GLI2: variants seen among roughly 807,000 people sequenced by gnomAD.
The protein encoded by GLI2 is transcription activator GLI2.
Under a neutral mutation model 78.9 loss-of-function variants are expected in GLI2, and 22 were observed. That is an observed-to-expected ratio of 0.28 (90% CI 0.20 to 0.40). GLI2 has a LOEUF of 0.40. Among genes scored for constraint, GLI2 ranks in the 10% least tolerant of loss-of-function variants. The pLI is 1.00. For synonymous variants in GLI2, 974 were observed against 963.7 expected (o/e 1.01, Z -0.20); for missense variants, 2,097 against 2,213.2 (o/e 0.95, Z 1.05).
chr2:120,889,967 C>T (rs1156408922), intron 2 of GLI2, among the ~76,000 whole-genome samples: 1 of 152,052 alleles, frequency 6.6e-6, no homozygotes, highest in Non-Finnish European at 1.5e-5. Context: ...GGCATTTATT[C>T]CAGAGAAGTG....
intron 2 of GLI2, among the ~76,000 whole-genome samples, chr2:120,834,175 A>G (rs1054828800): frequency 3.3e-5 from 5 of 152,204 alleles, no homozygotes; most frequent in African/African-American, 9.7e-5. Context: ...GAGAGTTGCC[A>G]TTGAAAAGAT....
rs1056149202 is a variant in GLI2, at chr2:120,942,979, CTCAT to C, written c.255-8244_255-8241del. 1.9e-3 allele frequency among the ~76,000 whole-genome samples: 290 copies of C among 149,640 alleles called. 5 individuals are homozygous for C. Among genetic ancestry groups the C allele is most frequent in the African/African-American group, 6.0e-3 (248 of 41,178 alleles). ...ATTCATTCGTTCACGCCCTCACTCA[CTCAT>C]TCATTCATTCATTCATTCAGCACAC... On this transcript the variant is annotated intron_variant, in intron 3 of 13. Transcript: ENST00000361492.
In GLI2 at chr2:120,889,427, C is replaced by G. The variant is rs1208566337; in HGVS notation, c.149-37934C>G. On this transcript the variant is annotated intron_variant, in intron 2 of 13. Coordinates refer to ENST00000361492, the MANE Select transcript of GLI2 (RefSeq NM_001374353.1). ...ACAGCCTTCAGGATTTCAGGCCAGG[C>G]ACAGGACTCTTAGACTTGATACCAT... Among the ~76,000 whole-genome samples the G allele has an allele frequency of 2.0e-5, 3 of 152,184 alleles. No homozygotes were observed. In the East Asian group the frequency reaches 5.8e-4, roughly 29 times the overall value.
chr2:120,856,478 G>A (rs2104624748), intron 2 of GLI2, among the ~76,000 whole-genome samples: 1 of 152,262 alleles, frequency 6.6e-6, no homozygotes, highest in South Asian at 2.1e-4. Context: ...GATTTGGATG[G>A]GGTTCTCACC....
rs777929230 is a variant in GLI2, at chr2:120,988,975, C to T, written c.3010C>T (p.Arg1004Cys). 7 of 1,561,234 alleles carry T rather than the reference C, an allele frequency of 4.5e-6. No individual in the cohort carries two copies. Among genetic ancestry groups the T allele is most frequent in the Admixed American group, 3.7e-5 (2 of 54,360 alleles). Residue 1004 changes from arginine to cysteine, a missense_variant, in exon 14 of 14, where the codon CGC becomes TGC. Around this residue, in one of 5 missense-constraint regions of GLI2, gnomAD observed 1,290 missense variants for 1,261.7 expected, o/e 1.02. Coordinates refer to ENST00000361492, the MANE Select transcript of GLI2 (RefSeq NM_001374353.1). ...CCCGAGCACCGACGGCGGCCTGGCC[C>T]GCGGCGCCTACTCGCCCCGGCCGCC... is the stretch of plus-strand genomic sequence containing the variant. Reference protein sequence around the residue: ...SHPSTDGGLARGAYSPRPPSI... With the variant: ...SHPSTDGGLACGAYSPRPPSI...
chr2:120,823,510 AGT>A (rs1685885382), intron 2 of GLI2, among the ~76,000 whole-genome samples: 1 of 152,182 alleles, frequency 6.6e-6, no homozygotes, highest in Non-Finnish European at 1.5e-5. Context: ...TGGAGCTGCT[AGT>A]GGGAGAGGAT....
intron 8 of GLI2, among the ~76,000 whole-genome samples, chr2:120,973,871 G>C (rs1682318112): frequency 1.3e-5 from 2 of 152,078 alleles, no homozygotes; most frequent in Non-Finnish European, 2.9e-5. Context: ...TTGACAGCAG[G>C]GCGTCCTGAG....
At position 120,959,993 on chromosome 2, in the gene GLI2, G is replaced by A. The variant is rs2104982160; in HGVS notation, c.643+4563G>A. 1.3e-5 allele frequency among the ~76,000 whole-genome samples: 2 copies of A among 152,326 alleles called. 1 individual carries two copies. The highest frequency in any genetic ancestry group is 1.3e-4 in the Admixed American group (2 of 15,300). Reference sequence around the variant, plus strand: ...AGCTCTGTGCAGGCGCAGGGGGCCTGGAGAGCTCATGGACAGCCAAGGAGA... The same window carrying A: ...AGCTCTGTGCAGGCGCAGGGGGCCTAGAGAGCTCATGGACAGCCAAGGAGA... On this transcript the variant is annotated intron_variant, in intron 5 of 13. Transcript: ENST00000361492.
chr2:120,964,500 T>C (rs908707508), intron 5 of GLI2, among the ~76,000 whole-genome samples: 3 of 152,178 alleles, frequency 2.0e-5, no homozygotes, highest in Non-Finnish European at 4.4e-5. Flanking sequence ...TGGGCTGTGC[T>C]AGGGGTGGAG....
intron 2 of GLI2, among the ~76,000 whole-genome samples, chr2:120,835,629 G>A (rs1258866566): frequency 2.0e-5 from 3 of 151,990 alleles, no homozygotes; most frequent in South Asian, 2.1e-4. Context: ...CAGGTGATCC[G>A]CCCACCTCAG....
chr2:120,981,703 A>T (rs866026472), intron 10 of GLI2, among the ~76,000 whole-genome samples: 3 of 152,190 alleles, frequency 2.0e-5, no homozygotes, highest in African/African-American at 7.2e-5. Flanking sequence ...GGCGGTTTTC[A>T]TACATCCATT....
intron 1 of GLI2, among the ~76,000 whole-genome samples, chr2:120,740,945 C>G (rs1436239306): frequency 6.6e-6 from 1 of 152,192 alleles, no homozygotes; most frequent in East Asian, 1.9e-4. Flanking sequence ...GCAGCACGGG[C>G]GCAGCCCTGC....
chr2:120,741,503 C>T (rs536927248), intron 1 of GLI2, among the ~76,000 whole-genome samples: 9 of 151,760 alleles, frequency 5.9e-5, no homozygotes, highest in South Asian at 4.2e-4. Context: ...TCCCCTTCTC[C>T]TTTCTTCTCT....
At chr2:120,791,197 G>A (rs1211915329) in intron 1 of GLI2, among the ~76,000 whole-genome samples, 1 of 152,182 alleles carries the variant, frequency 6.6e-6, no homozygotes, top group African/African-American at 2.4e-5. Flanking sequence ...AGAAGTCCTG[G>A]GGAACCCTTA....
chr2:120,827,188 G>A (rs529074606), intron 2 of GLI2, among the ~76,000 whole-genome samples: 9 of 152,186 alleles, frequency 5.9e-5, no homozygotes, highest in African/African-American at 9.7e-5. Flanking sequence ...GCCCAGACCC[G>A]TGGCTGTCTT....
chr2:120,990,036 C>A lies in GLI2; in HGVS notation c.4071C>A (p.Pro1357=). ...TTGGCCTAGTGCAGCCCCGGCCTCC[C>A]CTCGAGCCCAGCCCCACTGGCCGCC... ...AGFGLVQPRP[P]LEPSPTGRHR... Residue 1357 remains proline, a synonymous_variant, in exon 14 of 14, where the codon CCC becomes CCA. Coordinates refer to ENST00000361492, the MANE Select transcript of GLI2 (RefSeq NM_001374353.1). 1.2e-6 allele frequency: 2 copies of A among 1,604,708 alleles called. No individual in the cohort carries two copies. Among genetic ancestry groups the A allele is most frequent in the East Asian group, 2.2e-5 (1 of 44,598 alleles).
rs540591929 is a variant in GLI2, at chr2:120,741,954, C to G, written c.-31+5669C>G. Among the ~76,000 whole-genome samples the G allele has an allele frequency of 1.4e-4, 21 of 152,292 alleles. No individual in the cohort carries two copies. In the South Asian group the frequency reaches 3.9e-3, roughly 29 times the overall value. ...CCGGAGCGCGCGAGCGGCTCCCACCCGGGAAGGGCGCGGGTTCCGAGGGGC... is the reference window on the plus strand; with the variant it reads ...CCGGAGCGCGCGAGCGGCTCCCACCGGGGAAGGGCGCGGGTTCCGAGGGGC... On this transcript the variant is annotated intron_variant, in intron 1 of 13. Coordinates refer to ENST00000361492, the MANE Select transcript of GLI2 (RefSeq NM_001374353.1).
In GLI2 at chr2:120,988,377, C is replaced by T; in HGVS notation, c.2412C>T (p.Arg804=). Residue 804 remains arginine, a synonymous_variant, in exon 14 of 14, where the codon CGC becomes CGT. Transcript: ENST00000361492. ...STVSSAYTVS[R]RSSGISPYFS... Reference sequence around the variant, plus strand: ...TCAGCTCGGCCTACACCGTGAGCCGCCGCTCCTCCGGCATCTCCCCCTACT... The same window carrying T: ...TCAGCTCGGCCTACACCGTGAGCCGTCGCTCCTCCGGCATCTCCCCCTACT... 1 of 1,570,732 alleles carries T rather than the reference C, an allele frequency of 6.4e-7. No individual in the cohort carries two copies. The highest frequency in any genetic ancestry group is 8.6e-7 in the Non-Finnish European group (1 of 1,168,066).
At chr2:120,739,511 T>C (rs1463081444) in intron 1 of GLI2, among the ~76,000 whole-genome samples, 1 of 152,222 alleles carries the variant, frequency 6.6e-6, no homozygotes. Flanking sequence ...TTCATCTGCA[T>C]GGCTCTTGCG....
Sources: allele counts gnomAD v4.1 joint callset (sites outside exome capture counted in the v4.1 genomes callset), GRCh38; gene constraint gnomAD v4.1.1; regional missense constraint gnomAD v4.1.1; transcripts MANE v1.5; gene names NCBI Gene and HGNC (gene_info 2026-07-23, HGNC 2026-07-21).